The following EDAR variants were observed in gnomAD, a reference collection of about 807,000 sequenced individuals.
EDAR encodes the protein ectodysplasin A receptor, also known as tumor necrosis factor receptor superfamily member EDAR.
In EDAR, 38 loss-of-function variants were observed where a neutral mutation model predicts 51.3. The observed-to-expected ratio is 0.74, with a 90% CI of 0.57 to 0.97. EDAR has a LOEUF of 0.97. Among genes scored for constraint, EDAR ranks in the 50% least tolerant of loss-of-function variants. The pLI, the probability that EDAR is intolerant of heterozygous loss-of-function variation, is 0.00. For synonymous variants in EDAR, 227 were observed against 242.1 expected (o/e 0.94, Z 0.58); for missense variants, 528 against 595.0 (o/e 0.89, Z 1.17).
chr2:108,961,886 A>C (rs1012747087), intron 1 of EDAR, among the ~76,000 whole-genome samples: 2 of 152,188 alleles, frequency 1.3e-5, no homozygotes, highest in African/African-American at 4.8e-5. Context: ...AGTCCATAGC[A>C]AGCATAGCTG....
chr2:108,901,958 G>A (rs574440016), intron 11 of EDAR, among the ~76,000 whole-genome samples: 1 of 151,786 alleles, frequency 6.6e-6, no homozygotes, highest in African/African-American at 2.4e-5. Context: ...CAAAAATTAG[G>A]GCTGGGCATG....
intron 11 of EDAR, among the ~76,000 whole-genome samples, chr2:108,897,602 C>A (rs931253643): frequency 1.3e-5 from 2 of 152,102 alleles, no homozygotes; most frequent in African/African-American, 4.8e-5. Context: ...AGGAGGGGTT[C>A]AAAGGGACAG....
At chr2:108,975,079 C>T (rs1231055152) in intron 1 of EDAR, among the ~76,000 whole-genome samples, 1 of 152,206 alleles carries the variant, frequency 6.6e-6, no homozygotes, top group African/African-American at 2.4e-5. Flanking sequence ...TTCCACGGAG[C>T]CTAGCCCCAA....
intron 1 of EDAR, among the ~76,000 whole-genome samples, chr2:108,978,679 G>A (rs554367163): frequency 1.4e-4 from 21 of 152,172 alleles, no homozygotes; most frequent in Non-Finnish European, 2.8e-4. Flanking sequence ...AGTGAAGTTT[G>A]GTCAGAGGAA....
At chr2:108,904,378 CAAT>C (rs901150964) in intron 11 of EDAR, among the ~76,000 whole-genome samples, 1 of 152,138 alleles carries the variant, frequency 6.6e-6, no homozygotes, top group African/African-American at 2.4e-5. Flanking sequence ...TAAAATGGTA[CAAT>C]AACTTTAGAA....
At chr2:108,923,251 C>T in intron 5 of EDAR, 117 bp downstream of exon 5, 1 of 993,880 alleles carries the variant, frequency 1.0e-6, no homozygotes, top group Non-Finnish European at 1.6e-6. Context: ...TTCACTAGTG[C>T]TGTTACTGTG....
At chr2:108,957,457 A>G (rs1341825038) in intron 1 of EDAR, among the ~76,000 whole-genome samples, 1 of 152,238 alleles carries the variant, frequency 6.6e-6, no homozygotes, top group Admixed American at 6.5e-5. Context: ...ATAGAGGGCT[A>G]TAAATCAAGT....
rs945130678 is a variant in EDAR, at chr2:108,903,440, G to GA, written c.1024+2867dup. Among the ~76,000 whole-genome samples the GA allele has an allele frequency of 5.6e-4, 83 of 149,448 alleles. No homozygotes were observed. The East Asian group carries it at 0.014, about 25-fold the overall frequency. ...GAACTAGAATAGCTAAAAGATTTTT[G>GA]AAAAAAAAATAAAGGAAAATGGGAG... On this transcript the variant is annotated intron_variant, in intron 11 of 11. Coordinates refer to ENST00000258443, the MANE Select transcript of EDAR (RefSeq NM_022336.4).
intron 1 of EDAR, among the ~76,000 whole-genome samples, chr2:108,973,367 C>T (rs201145122): frequency 6.6e-6 from 1 of 152,214 alleles, no homozygotes; most frequent in Non-Finnish European, 1.5e-5. Flanking sequence ...CTGGCTAGGG[C>T]AGGAGGGCGG....
At chr2:108,902,040 C>G (rs13430335) in intron 11 of EDAR, among the ~76,000 whole-genome samples, 11,964 of 152,068 alleles carry the variant, frequency 0.079, 573 homozygotes, top group South Asian at 0.16. Flanking sequence ...GAGTTCAAGA[C>G]CAGCCTGGCC....
chr2:108,920,699 CT>C (rs1441593441), intron 5 of EDAR, among the ~76,000 whole-genome samples: 1 of 152,216 alleles, frequency 6.6e-6, no homozygotes, highest in African/African-American at 2.4e-5. Flanking sequence ...ACCCCAGAAA[CT>C]GGAATGATTT....
intron 1 of EDAR, among the ~76,000 whole-genome samples, chr2:108,941,021 G>A (rs1002520030): frequency 2.6e-5 from 4 of 152,134 alleles, no homozygotes; most frequent in African/African-American, 9.7e-5. Context: ...TCATCAATCT[G>A]CCCCACGCTG....
intron 5 of EDAR, among the ~76,000 whole-genome samples, chr2:108,917,969 C>A (rs1697058182): frequency 6.6e-6 from 1 of 151,902 alleles, no homozygotes; most frequent in African/African-American, 2.4e-5. Context: ...TGCATTACCC[C>A]TAAATGCTTG....
rs1472503570 is a variant in EDAR at position 108,908,080 on chromosome 2, TCTC to T, written c.804-64_804-62del. 2.0e-5 allele frequency: 30 copies of T among 1,524,002 alleles called. No homozygotes were observed. The Admixed American group carries it at 3.8e-4, about 19-fold the overall frequency. 94.4% of individuals were successfully genotyped at this position (1,524,002 alleles called of 1,614,324 possible). ...TGGGGGGGCTGCAGCCCTGACAAGT[TCTC>T]CTGTGGTGAACTTGTCCATTGCCCA... On this transcript the variant is annotated intron_variant, in intron 9 of 11. Coordinates refer to ENST00000258443, the MANE Select transcript of EDAR (RefSeq NM_022336.4).
chr2:108,905,423 A>T (rs1159895090), intron 11 of EDAR, among the ~76,000 whole-genome samples: 1 of 151,086 alleles, frequency 6.6e-6, no homozygotes, highest in Non-Finnish European at 1.5e-5. Flanking sequence ...GCAGCCAAGA[A>T]TTCTTGGCCC....
intron 1 of EDAR, among the ~76,000 whole-genome samples, chr2:108,939,014 A>G (rs1697533004): frequency 6.6e-6 from 1 of 151,980 alleles, no homozygotes; most frequent in East Asian, 1.9e-4. Context: ...TCCTGACCTC[A>G]TGATCTGCCC....
In EDAR at chr2:108,920,892, C is replaced by T. The variant is rs111851132; in HGVS notation, c.442+2476G>A. ...GCAGTGGGCACCACTGGGAGCTGCC[C>T]GGGGCAGGAGAGGACATGAGGCTCT... On this transcript the variant is annotated intron_variant, in intron 5 of 11. Coordinates refer to ENST00000258443, the MANE Select transcript of EDAR (RefSeq NM_022336.4). 5.7e-3 allele frequency among the ~76,000 whole-genome samples: 872 copies of T among 152,196 alleles called. 10 individuals are homozygous for T. Among genetic ancestry groups the T allele is most frequent in the African/African-American group, 0.02 (833 of 41,508 alleles).
intron 1 of EDAR, among the ~76,000 whole-genome samples, chr2:108,932,454 G>A (rs1181898073): frequency 4.6e-5 from 7 of 150,902 alleles, no homozygotes; most frequent in Admixed American, 1.3e-4. Context: ...GCATGAACCC[G>A]GGAGGCGGAG....
chr2:108,910,443 TG>T lies in EDAR; in HGVS notation c.803+16del. 6.2e-7 allele frequency: 1 copy of T among 1,608,840 alleles called. No individual in the cohort carries two copies. The highest frequency in any genetic ancestry group is 8.5e-7 in the Non-Finnish European group (1 of 1,175,862). On this transcript the variant is annotated intron_variant, in intron 9 of 11. Coordinates refer to ENST00000258443, the MANE Select transcript of EDAR (RefSeq NM_022336.4). Reference sequence around the variant, plus strand: ...CAGGACCCCAGCTTCAGCTTGGTGCTGGGGGCTTCCACATACCTCTTGGTGG... The same window carrying T: ...CAGGACCCCAGCTTCAGCTTGGTGCTGGGGCTTCCACATACCTCTTGGTGG...
Sources: allele counts gnomAD v4.1 joint callset (sites outside exome capture counted in the v4.1 genomes callset), GRCh38; gene constraint gnomAD v4.1.1; transcripts MANE v1.5; gene names NCBI Gene and HGNC (gene_info 2026-07-23, HGNC 2026-07-21).